CARD10: variants seen among roughly 807,000 people sequenced by gnomAD.
The protein encoded by CARD10 is caspase recruitment domain-containing protein 10.
A neutral mutation model predicts 114.6 loss-of-function variants in CARD10; 49 were observed. The ratio of observed to expected loss-of-function variants is 0.43; its 90% CI spans 0.34 to 0.54. The LOEUF (loss-of-function observed/expected upper bound fraction) is 0.54. Among genes scored for constraint, CARD10 ranks in the 20% least tolerant of loss-of-function variants. The probability of loss-of-function intolerance (pLI) is 0.03; values close to 1 mark genes in which losing one functional copy is unlikely to be tolerated. For synonymous variants in CARD10, 602 were observed against 593.2 expected (o/e 1.01, Z -0.21); for missense variants, 1,206 against 1,397.2 (o/e 0.86, Z 2.18).
intron 15 of CARD10, 80 bp downstream of exon 15, chr22:37,495,437 C>G: frequency 2.6e-6 from 3 of 1,143,850 alleles, no homozygotes; most frequent in Non-Finnish European, 3.8e-6. Flanking sequence ...TCCTAGGTTG[C>G]CAGAGAACAG....
In CARD10 at chr22:37,508,617, C is replaced by A; in HGVS notation, c.975G>T (p.Trp325Cys). 6.3e-7 allele frequency: 1 copy of A among 1,591,580 alleles called. No individual in the cohort carries two copies. The change falls in exon 5 of 20, where the codon TGG (tryptophan) becomes TGT (cysteine). Residue 325 changes from tryptophan (W) to cysteine (C), a missense_variant. This residue lies in a region of CARD10 where 1,068 missense variants were observed against 1,179.1 expected (regional missense o/e 0.91). Transcript: ENST00000251973. ...RILLDILEHD[W>C]REAQDSRQEL... Reference sequence around the variant, plus strand: ...CCTGCCTGCTGTCCTGCGCCTCCCGCCAGTCATGCTCTAGGATGTCCAGCA... The same window carrying A: ...CCTGCCTGCTGTCCTGCGCCTCCCGACAGTCATGCTCTAGGATGTCCAGCA...
At chr22:37,493,166 C>T (rs1308256534) in intron 16 of CARD10, among the ~76,000 whole-genome samples, 3 of 152,192 alleles carry the variant, frequency 2.0e-5, no homozygotes, top group Non-Finnish European at 4.4e-5. Context: ...CCTGGGGAGG[C>T]TGCCAGCCAC....
At position 37,501,779 on chromosome 22, in the gene CARD10, G is replaced by A. The variant is rs910801661; in HGVS notation, c.1787+823C>T. Among the ~76,000 whole-genome samples the A allele has an allele frequency of 6.6e-6, 1 of 152,202 alleles. No individual in the cohort carries two copies. The highest frequency in any genetic ancestry group is 1.9e-4 in the East Asian group (1 of 5,200). On this transcript the variant is annotated intron_variant, in intron 11 of 19. Coordinates refer to ENST00000251973, the MANE Select transcript of CARD10 (RefSeq NM_014550.4). The surrounding 1 kb of genome is among the most constrained non-coding windows in gnomAD (Gnocchi z 5.4). Reference sequence around the variant, plus strand: ...ATTATGCCTACTCCCTGGACAAAGAGCATGTTGTAAAACAGCCAGCAGCTG... The same window carrying A: ...ATTATGCCTACTCCCTGGACAAAGAACATGTTGTAAAACAGCCAGCAGCTG...
intron 7 of CARD10, among the ~76,000 whole-genome samples, chr22:37,505,104 G>C (rs1923359645): frequency 1.3e-5 from 2 of 152,136 alleles, no homozygotes; most frequent in African/African-American, 4.8e-5. Context: ...GATGGTCCAG[G>C]CAGATCAACA....
Position 37,508,702 on chromosome 22 carries a change from G to C in CARD10, c.910-20C>G. On this transcript the variant is annotated intron_variant, in intron 4 of 19. Coordinates refer to ENST00000251973, the MANE Select transcript of CARD10 (RefSeq NM_014550.4). ...CGCCTCCTGGGGATCACAGGGCAGG[G>C]CCACCTCAGGGTCTGGCTAGGGGCC... is the stretch of plus-strand genomic sequence containing the variant. 1 of 1,539,284 alleles carries C rather than the reference G, an allele frequency of 6.5e-7. No individual in the cohort carries two copies. Among genetic ancestry groups the C allele is most frequent in the Non-Finnish European group, 8.7e-7 (1 of 1,146,640 alleles).
At chr22:37,511,588 T>C (rs1281527339) in intron 3 of CARD10, among the ~76,000 whole-genome samples, 2 of 148,720 alleles carry the variant, frequency 1.3e-5, no homozygotes, top group Non-Finnish European at 3.0e-5. Context: ...TCTAGCTCAG[T>C]GTGACCCTGG....
At chr22:37,491,414 A>C in intron 19 of CARD10, 21 bp from the exon 20 acceptor site, 3 of 1,449,486 alleles carry the variant, frequency 2.1e-6, no homozygotes, top group Non-Finnish European at 2.7e-6. Context: ...AAGAGTGAGC[A>C]GCGGTCAAAG....
intron 7 of CARD10, 56 bp downstream of exon 7, chr22:37,506,136 C>CTCCTGCCAGGACCCCAGCCT (rs1015946354): frequency 1.5e-5 from 21 of 1,366,646 alleles, no homozygotes; most frequent in African/African-American, 4.5e-5. Context: ...TGGCCAAGAG[C>CTCCTGCCAGGACCCCAGCCT]TCCTGCCAGG....
chr22:37,491,304 G>A lies in CARD10; in HGVS notation c.2954C>T (p.Ser985Phe). 2 of 1,566,240 alleles carry A rather than the reference G, an allele frequency of 1.3e-6. No individual in the cohort carries two copies. The highest frequency in any genetic ancestry group is 1.7e-4 in the Middle Eastern group (1 of 6,000). ...SEQVLWGLPC[S>F]WVQVPAHEWG... ...CTCATGGGCGGGCACCTGCACCCAG[G>A]AGCAGGGCAGCCCCCAGAGCACCTG... Residue 985 changes from serine (S) to phenylalanine (F), a missense_variant, in exon 20 of 20, where the codon TCC (serine) becomes TTC (phenylalanine). By Grantham distance (155) the Ser-to-Phe change is radical. Coordinates refer to ENST00000251973, the MANE Select transcript of CARD10 (RefSeq NM_014550.4).
At position 37,492,671 on chromosome 22, in the gene CARD10, G is replaced by A. The variant is rs1338972565; in HGVS notation, c.2608C>T (p.Arg870Trp). 10 of 1,613,000 alleles carry A rather than the reference G, an allele frequency of 6.2e-6. No individual in the cohort carries two copies. Among genetic ancestry groups the A allele is most frequent in the Admixed American group, 1.7e-5 (1 of 59,970 alleles). ...IRNLLDLPSS[R>W]LDFQVCPAES... The stretch of plus-strand genomic sequence containing the variant: ...GCTGGGCACACTTGGAAGTCCAGCC[G>A]GGAGCTGGGCAGGTCTAGCAGGTTA... The change falls in exon 17 of 20, where the codon CGG becomes TGG. Residue 870 changes from arginine to tryptophan, a missense_variant. By Grantham distance (101) the Arg-to-Trp change is moderately radical (BLOSUM62 -3). Transcript: ENST00000251973. This position sits in a 1 kb window ranked among gnomAD's most constrained non-coding sequence, Gnocchi z 5.7.
chr22:37,518,152 C>A (rs766772303), intron 1 of CARD10, 44 bp from the exon 2 acceptor site: 2 of 1,593,130 alleles, frequency 1.3e-6, no homozygotes, highest in Non-Finnish European at 1.7e-6. Flanking sequence ...AGGGGAAGGC[C>A]TCCCCAGGTG....
intron 6 of CARD10, among the ~76,000 whole-genome samples, 174 bp from the exon 7 acceptor site, chr22:37,506,557 G>A (rs55717751): frequency 0.014 from 2,191 of 152,310 alleles, 65 homozygotes; most frequent in African/African-American, 0.051. Flanking sequence ...CACACTAACT[G>A]GCTAAGTTAG....
chr22:37,491,454 G>A lies in CARD10; in HGVS notation c.2865-61C>T, dbSNP rs139103420. ...GGACCAAGACAGACAGAGAGACAGG[G>A]AGAGAGGGACAGACAAAGGGGGAAG... On this transcript the variant is annotated intron_variant, in intron 19 of 19. Transcript: ENST00000251973. 239 of 1,257,680 alleles carry A rather than the reference G, an allele frequency of 1.9e-4. 1 individual carries two copies. The East Asian group carries it at 5.7e-3, about 30-fold the overall frequency. 77.9% of individuals were successfully genotyped at this position (1,257,680 alleles called of 1,614,324 possible).
rs1484628257 is a variant in CARD10, at chr22:37,516,099, G to A, written c.573C>T (p.Asp191=). 1.3e-6 allele frequency: 2 copies of A among 1,595,848 alleles called. No homozygotes were observed. Among genetic ancestry groups the A allele is most frequent in the Non-Finnish European group, 1.7e-6 (2 of 1,171,740 alleles). The part of the protein sequence containing the change: ...AQERCQRLRE[D]WEAGSLELLR... ...GCAGCTCCAGGCTGCCCGCCTCCCA[G>A]TCCTCCCGCAGCCGTTGACAGCGCT... The change falls in exon 3 of 20, where the codon GAC becomes GAT. Residue 191 remains aspartate, a synonymous_variant. Transcript: ENST00000251973.
intron 11 of CARD10, among the ~76,000 whole-genome samples, chr22:37,500,680 A>G (rs984802651): frequency 3.3e-5 from 5 of 152,182 alleles, no homozygotes; most frequent in African/African-American, 1.2e-4. Flanking sequence ...GGGGAGGCAC[A>G]TCGGAATCTC....
In CARD10 at chr22:37,490,899, AC is replaced by A. The variant is rs1038603423; in HGVS notation, c.*259del. The A allele has an allele frequency of 1.8e-6, 1 of 549,324 alleles. No homozygotes were observed. The highest frequency in any genetic ancestry group is 3.3e-6 in the Non-Finnish European group (1 of 307,392). 34.0% of individuals were successfully genotyped at this position (549,324 alleles called of 1,614,324 possible). A position where few individuals can be genotyped will look rare whatever the true frequency, so the allele number is the denominator to read the frequency against. ...AGGAGAAGACACAGACACACATAAG[AC>A]CCACTAGTGGGAATGTGGAGACCCC... On this transcript the variant is annotated 3_prime_UTR_variant, in exon 20 of 20. Transcript: ENST00000251973.
chr22:37,504,850 G>A, intron 7 of CARD10, 81 bp from the exon 8 acceptor site: 1 of 778,940 alleles, frequency 1.3e-6, no homozygotes, highest in Non-Finnish European at 1.9e-6. Flanking sequence ...CACCTGCCAT[G>A]TGCCAGCACA....
Position 37,490,840 on chromosome 22 carries a change from C to G in CARD10, c.*319G>C, listed in dbSNP as rs1922742334. 2.7e-6 allele frequency: 1 copy of G among 366,172 alleles called. No homozygotes were observed. Among genetic ancestry groups the G allele is most frequent in the African/African-American group, 2.1e-5 (1 of 47,976 alleles). The allele number at this position is 366,172 out of a possible 1,614,324, so 22.7% of individuals were successfully genotyped here. ...GAACTTGAGTGTGCAAACCTGCGCA[C>G]AGGTGTGAGAACAGACTCCAGGGCG... On this transcript the variant is annotated 3_prime_UTR_variant, in exon 20 of 20. Coordinates refer to ENST00000251973, the MANE Select transcript of CARD10 (RefSeq NM_014550.4).
rs753710413 is a variant in CARD10 at position 37,510,421 on chromosome 22, C to T, written c.700G>A (p.Val234Met). The T allele has an allele frequency of 3.1e-6, 5 of 1,613,248 alleles. No individual in the cohort carries two copies. Among genetic ancestry groups the T allele is most frequent in the South Asian group, 2.2e-5 (2 of 91,074 alleles). The stretch of plus-strand genomic sequence containing the variant: ...CTCACTTTGAGCTTGAGCTGATCCA[C>T]CTGGAGCCCAAGACATGGGTCAGCC... ...VLRSRDLQLA[V>M]DQLKLKVSRL... The change falls in exon 4 of 20, where the codon GTG (valine) becomes ATG (methionine). Residue 234 changes from valine (V) to methionine (M), a missense_variant and splice_region_variant. Transcript: ENST00000251973.
Sources: allele counts gnomAD v4.1 joint callset (sites outside exome capture counted in the v4.1 genomes callset), GRCh38; gene constraint gnomAD v4.1.1; regional missense constraint gnomAD v4.1.1; non-coding constraint Gnocchi (gnomAD v3.1); transcripts MANE v1.5; gene names NCBI Gene and HGNC (gene_info 2026-07-23, HGNC 2026-07-21).